The following KLHL14 variants were observed in gnomAD, a reference collection of about 807,000 sequenced individuals.
KLHL14 encodes kelch-like protein 14.
Under a neutral mutation model 64.3 loss-of-function variants are expected in KLHL14, and 22 were observed. The observed-to-expected ratio is 0.34, with a 90% CI of 0.24 to 0.49. The LOEUF is 0.49. KLHL14 is among the 20% of genes least tolerant of loss of function. The probability of loss-of-function intolerance (pLI) is 0.99; values close to 1 mark genes in which losing one functional copy is unlikely to be tolerated. For missense variants in KLHL14, 661 were observed against 789.0 expected (o/e 0.84, Z 1.94); for synonymous variants, 322 against 333.4 (o/e 0.97, Z 0.37).
intron 2 of KLHL14, among the ~76,000 whole-genome samples, chr18:32,754,148 AT>A (rs2050270282): frequency 1.3e-5 from 2 of 152,190 alleles, no homozygotes; most frequent in Non-Finnish European, 2.9e-5. Context: ...CAGTGGAGCC[AT>A]TCAAGCTCTG....
At chr18:32,755,337 A>T (rs2050276310) in intron 2 of KLHL14, among the ~76,000 whole-genome samples, 1 of 152,130 alleles carries the variant, frequency 6.6e-6, no homozygotes, top group Admixed American at 6.5e-5. Flanking sequence ...TTATTCTGAA[A>T]AGTTTACCAT....
chr18:32,684,238 G>A lies in KLHL14; in HGVS notation c.1238+2917C>T, dbSNP rs182776334. Among the ~76,000 whole-genome samples the A allele has an allele frequency of 8.4e-4, 128 of 152,250 alleles. 1 individual carries two copies. The highest frequency in any genetic ancestry group is 7.3e-3 in the Admixed American group (112 of 15,296). On this transcript the variant is annotated intron_variant, in intron 5 of 8. Transcript: ENST00000359358. ...TACATTTAAATTTATATTTTCATCTGTTCATTTCTGTCAGTAAATTCATAG... is the reference window on the plus strand; with the variant it reads ...TACATTTAAATTTATATTTTCATCTATTCATTTCTGTCAGTAAATTCATAG...
rs573689479 is a variant in KLHL14, at chr18:32,703,923, GTGT to G, written c.1070-8374_1070-8372del. ...TAGTTTTTTTTTCCTGTTTTACAAA[GTGT>G]TGTGTATTTCAGAGACATGTCAATG... is the stretch of plus-strand genomic sequence containing the variant. On this transcript the variant is annotated intron_variant, in intron 3 of 8. Transcript: ENST00000359358. 1.4e-3 allele frequency among the ~76,000 whole-genome samples: 214 copies of G among 152,146 alleles called. 1 individual carries two copies. Among genetic ancestry groups the G allele is most frequent in the Non-Finnish European group, 2.4e-3 (165 of 67,984 alleles).
chr18:32,734,155 GTGT>G (rs1568077642), intron 3 of KLHL14: 1 of 702,880 alleles, frequency 1.4e-6, no homozygotes, highest in Non-Finnish European at 2.6e-6. Context: ...TAGTCACATT[GTGT>G]TGTTTGAAAA....
chr18:32,712,474 T>A (rs1311555957), intron 3 of KLHL14, among the ~76,000 whole-genome samples: 2 of 152,198 alleles, frequency 1.3e-5, no homozygotes, highest in African/African-American at 4.8e-5. Flanking sequence ...AGCTCTCTAT[T>A]TGTGTACTAG....
chr18:32,726,606 A>C (rs1209190100), intron 3 of KLHL14, among the ~76,000 whole-genome samples: 1 of 152,112 alleles, frequency 6.6e-6, no homozygotes, highest in Non-Finnish European at 1.5e-5. Flanking sequence ...CCAGGGTGAC[A>C]GAGCAAGACT....
chr18:32,759,855 T>G (rs933404965), intron 2 of KLHL14, among the ~76,000 whole-genome samples: 1 of 152,304 alleles, frequency 6.6e-6, no homozygotes, highest in Non-Finnish European at 1.5e-5. Flanking sequence ...CACACACTTC[T>G]GCCTCTGTAA....
At chr18:32,675,304 C>T (rs570309275) in intron 8 of KLHL14, among the ~76,000 whole-genome samples, 24 of 152,124 alleles carry the variant, frequency 1.6e-4, no homozygotes, top group Admixed American at 2.6e-4. Flanking sequence ...CTGATCATGC[C>T]ACTGTACTCC....
In KLHL14 at chr18:32,673,574, G is replaced by A. The variant is rs1304862452; in HGVS notation, c.*1083C>T. On this transcript the variant is annotated 3_prime_UTR_variant, in exon 9 of 9. Coordinates refer to ENST00000359358, the MANE Select transcript of KLHL14 (RefSeq NM_020805.3). Reference sequence around the variant, plus strand: ...AAATATGATGAATTGGGGGAATAACGATCGTAAGTCAAGTGTCTAGAGGCA... The same window carrying A: ...AAATATGATGAATTGGGGGAATAACAATCGTAAGTCAAGTGTCTAGAGGCA... 2.6e-5 allele frequency: 4 copies of A among 152,142 alleles called. No individual in the cohort carries two copies. Among genetic ancestry groups the A allele is most frequent in the African/African-American group, 4.8e-5 (2 of 41,426 alleles). The allele number at this position is 152,142 out of a possible 1,614,324, so 9.4% of individuals were successfully genotyped here.
At chr18:32,687,038 G>A (rs2049882668) in intron 5 of KLHL14, 117 bp downstream of exon 5, 1 of 780,996 alleles carries the variant, frequency 1.3e-6, no homozygotes, top group African/African-American at 1.7e-5. Flanking sequence ...TTTCTATTTT[G>A]CCTCATATGT....
chr18:32,693,504 A>AGTT (rs147309536), intron 4 of KLHL14, among the ~76,000 whole-genome samples: 42 of 152,158 alleles, frequency 2.8e-4, no homozygotes, highest in Non-Finnish European at 5.0e-4. Context: ...TAGTAATTAA[A>AGTT]GTTATACTAA....
chr18:32,683,332 A>G lies in KLHL14; in HGVS notation c.1239-2733T>C, dbSNP rs1380233716. On this transcript the variant is annotated intron_variant, in intron 5 of 8. Coordinates refer to ENST00000359358, the MANE Select transcript of KLHL14 (RefSeq NM_020805.3). The surrounding 1 kb of genome is among the most constrained non-coding windows in gnomAD (Gnocchi z 4.2). Reference sequence around the variant, plus strand: ...AGTGCATTTTTAGGTAGAAATTCCAATAGTAAAGATTCTGAGTCTTTGACT... The same window carrying G: ...AGTGCATTTTTAGGTAGAAATTCCAGTAGTAAAGATTCTGAGTCTTTGACT... Among the ~76,000 whole-genome samples, 1 of 152,166 alleles carries G rather than the reference A, an allele frequency of 6.6e-6. No homozygotes were observed. The highest frequency in any genetic ancestry group is 1.5e-5 in the Non-Finnish European group (1 of 68,026).
chr18:32,689,323 G>A (rs560016234), intron 4 of KLHL14, among the ~76,000 whole-genome samples: 46 of 152,274 alleles, frequency 3.0e-4, no homozygotes, highest in African/African-American at 1.1e-3. Flanking sequence ...GTGAGCCCTG[G>A]AATAGAAGAA....
At chr18:32,677,981 C>T (rs543371070) in intron 7 of KLHL14, among the ~76,000 whole-genome samples, 1 of 152,252 alleles carries the variant, frequency 6.6e-6, no homozygotes, top group South Asian at 2.1e-4. Context: ...TTTACCTTTT[C>T]CACAATTTGA....
chr18:32,720,808 A>G (rs2050075230), intron 3 of KLHL14, among the ~76,000 whole-genome samples: 1 of 152,208 alleles, frequency 6.6e-6, no homozygotes, highest in Admixed American at 6.5e-5. Flanking sequence ...CACCAGTACT[A>G]CAAGTACGAA....
intron 3 of KLHL14, among the ~76,000 whole-genome samples, chr18:32,724,715 G>A (rs2050098525): frequency 6.6e-6 from 1 of 152,222 alleles, no homozygotes; most frequent in African/African-American, 2.4e-5. Flanking sequence ...TAGAGGTGCA[G>A]AGAGAGCACT....
At chr18:32,679,374 T>C (rs1466595222) in intron 7 of KLHL14, among the ~76,000 whole-genome samples, 1 of 152,180 alleles carries the variant, frequency 6.6e-6, no homozygotes, top group Non-Finnish European at 1.5e-5. Flanking sequence ...TTTAGCTCAA[T>C]TTCAGCGATC....
chr18:32,730,827 C>G (rs973341884), intron 3 of KLHL14, among the ~76,000 whole-genome samples: 4 of 152,294 alleles, frequency 2.6e-5, no homozygotes, highest in African/African-American at 9.6e-5. Context: ...AACTAGAATT[C>G]AATCTCAATG....
rs75501262 is a variant in KLHL14 at position 32,761,683 on chromosome 18, C to T, written c.947+7962G>A. ...TTGCCAGTGTGATTATTTTGTGTTA[C>T]TATTTACTCTTTCTCTTTTTACTGT... On this transcript the variant is annotated intron_variant, in intron 2 of 8. Coordinates refer to ENST00000359358, the MANE Select transcript of KLHL14 (RefSeq NM_020805.3). Among the ~76,000 whole-genome samples the T allele has an allele frequency of 7.7e-3, 1,171 of 152,268 alleles. 10 individuals are homozygous for T. The highest frequency in any genetic ancestry group is 0.015 in the African/African-American group (630 of 41,560).
Sources: gnomAD v4.1 joint callset for allele counts (sites outside exome capture counted in the v4.1 genomes callset) on GRCh38, gnomAD v4.1.1 for gene constraint, Gnocchi (gnomAD v3.1) non-coding constraint, MANE v1.5 for transcripts, NCBI Gene and HGNC (gene_info 2026-07-23, HGNC 2026-07-21) for gene names.